Variants in CSMD3 observed in about 807,000 individuals in gnomAD.
CSMD3 encodes CUB and sushi domain-containing protein 3.
Under a neutral mutation model 435.2 loss-of-function variants are expected in CSMD3, and 177 were observed. That is an observed-to-expected ratio of 0.41 (90% CI 0.36 to 0.46). The LOEUF (loss-of-function observed/expected upper bound fraction) is 0.46, where lower values mean the gene tolerates loss of function less well. CSMD3 is among the 20% of genes least tolerant of loss of function. The pLI is 0.34. For synonymous variants in CSMD3, 1,656 were observed against 1,520.5 expected (o/e 1.09, Z -2.07); for missense variants, 4,265 against 4,504.6 (o/e 0.95, Z 1.52).
chr8:112,556,945 A>T lies in CSMD3; in HGVS notation c.4052T>A (p.Leu1351His), dbSNP rs2131226519. ...AATGCCAGGATCTTCACAGTGTGAGAGTTCAAAACCTGGGACAAAAATATA... is the reference window on the plus strand; with the variant it reads ...AATGCCAGGATCTTCACAGTGTGAGTGTTCAAAACCTGGGACAAAAATATA... Reference protein sequence around the residue: ...GFQLVYTSFELSHCEDPGIPQ... With the variant: ...GFQLVYTSFEHSHCEDPGIPQ... The change falls in exon 25 of 71, where the codon CTC becomes CAC. Residue 1351 changes from leucine to histidine, a missense_variant. By Grantham distance (99) the Leu-to-His change is moderately conservative (BLOSUM62 -3). This residue lies in a region of CSMD3 where 3,255 missense variants were observed against 3,380.2 expected (regional missense o/e 0.96). Coordinates refer to ENST00000297405, the MANE Select transcript of CSMD3 (RefSeq NM_198123.2). 1 of 1,610,340 alleles carries T rather than the reference A, an allele frequency of 6.2e-7. No individual in the cohort carries two copies. The highest frequency in any genetic ancestry group is 8.5e-7 in the Non-Finnish European group (1 of 1,177,194).
chr8:112,350,207 A>G (rs1826012601), intron 40 of CSMD3, among the ~76,000 whole-genome samples: 1 of 151,836 alleles, frequency 6.6e-6, no homozygotes, highest in African/African-American at 2.4e-5. Flanking sequence ...TCTGCTATGG[A>G]AACCCAAGCA....
intron 52 of CSMD3, among the ~76,000 whole-genome samples, chr8:112,303,813 C>A (rs186883094): frequency 4.6e-5 from 7 of 152,174 alleles, no homozygotes; most frequent in Admixed American, 4.6e-4. Flanking sequence ...TTGTCTGCTA[C>A]GTTAAACTTC....
intron 2 of CSMD3, among the ~76,000 whole-genome samples, chr8:113,301,169 A>G (rs2093763514): frequency 6.6e-6 from 1 of 152,088 alleles, no homozygotes; most frequent in African/African-American, 2.4e-5. Flanking sequence ...AGTCAGAGCA[A>G]GGAGAGGATG....
chr8:112,618,879 A>G (rs1485400917), intron 22 of CSMD3, among the ~76,000 whole-genome samples: 1 of 152,098 alleles, frequency 6.6e-6, no homozygotes, highest in Non-Finnish European at 1.5e-5. Flanking sequence ...CACTTCAAAT[A>G]ATTTTATGAT....
At chr8:112,333,952 T>C (rs949145583) in intron 45 of CSMD3, among the ~76,000 whole-genome samples, 2 of 152,246 alleles carry the variant, frequency 1.3e-5, no homozygotes, top group African/African-American at 2.4e-5. Context: ...AGTTCCCGAA[T>C]TATGATTTTC....
chr8:113,219,406 A>C (rs911660230), intron 3 of CSMD3, among the ~76,000 whole-genome samples: 2 of 151,424 alleles, frequency 1.3e-5, no homozygotes, highest in Non-Finnish European at 3.0e-5. Context: ...AATGCAAAAA[A>C]AAATACAGGC....
At chr8:112,485,484 A>T (rs1820035688) in intron 31 of CSMD3, among the ~76,000 whole-genome samples, 1 of 152,124 alleles carries the variant, frequency 6.6e-6, no homozygotes, top group African/African-American at 2.4e-5. Flanking sequence ...ATGCATTGAT[A>T]ATGGAATGAG....
chr8:112,632,715 A>G (rs560622580), intron 22 of CSMD3, among the ~76,000 whole-genome samples: 5 of 152,190 alleles, frequency 3.3e-5, no homozygotes, highest in African/African-American at 1.2e-4. Context: ...TGTAATGTAA[A>G]CTTTAGAAAA....
intron 53 of CSMD3, among the ~76,000 whole-genome samples, chr8:112,299,019 C>T (rs916431202): frequency 6.6e-5 from 10 of 151,988 alleles, no homozygotes; most frequent in Non-Finnish European, 1.5e-4. Context: ...CAATAGAATC[C>T]TATTGAGCAA....
At chr8:112,241,249 C>A (rs1018161946) in intron 66 of CSMD3, among the ~76,000 whole-genome samples, 1 of 151,878 alleles carries the variant, frequency 6.6e-6, no homozygotes, top group African/African-American at 2.4e-5. Flanking sequence ...GGTTGTAGGG[C>A]TTTAAAGTTT....
intron 5 of CSMD3, among the ~76,000 whole-genome samples, chr8:113,020,919 C>G (rs1369463196): frequency 6.6e-6 from 1 of 152,170 alleles, no homozygotes; most frequent in East Asian, 1.9e-4. Context: ...ATCTTTATCC[C>G]TGAAAACCCA....
chr8:112,963,728 GA>G (rs2084317548), intron 7 of CSMD3, among the ~76,000 whole-genome samples: 1 of 151,986 alleles, frequency 6.6e-6, no homozygotes, highest in Middle Eastern at 3.4e-3. Flanking sequence ...AAACTGGCAA[GA>G]AAAAATATGG....
At chr8:113,049,705 T>C (rs1332089733) in intron 5 of CSMD3, among the ~76,000 whole-genome samples, 1 of 152,108 alleles carries the variant, frequency 6.6e-6, no homozygotes, top group African/African-American at 2.4e-5. Context: ...ATAAGCAAGA[T>C]CTGATGGTAG....
chr8:113,359,508 T>C (rs766401937), intron 1 of CSMD3, among the ~76,000 whole-genome samples: 1 of 152,170 alleles, frequency 6.6e-6, no homozygotes, highest in Non-Finnish European at 1.5e-5. Flanking sequence ...AATGGATTGG[T>C]TCTCTAGGAC....
chr8:113,013,942 G>T (rs2086356426), intron 6 of CSMD3, among the ~76,000 whole-genome samples: 1 of 152,142 alleles, frequency 6.6e-6, no homozygotes, highest in African/African-American at 2.4e-5. Context: ...GGGCAGAAGT[G>T]AGGTGGAGGC....
At chr8:112,621,731 T>C (rs1188797354) in intron 22 of CSMD3, among the ~76,000 whole-genome samples, 1 of 152,172 alleles carries the variant, frequency 6.6e-6, no homozygotes, top group African/African-American at 2.4e-5. Flanking sequence ...CTCTTTTATA[T>C]CTCCCAGATT....
chr8:113,370,788 T>C (rs2133049314), intron 1 of CSMD3, among the ~76,000 whole-genome samples: 1 of 152,132 alleles, frequency 6.6e-6, no homozygotes, highest in Non-Finnish European at 1.5e-5. Context: ...TGAGCTATTC[T>C]CAGGTCTTCT....
intron 47 of CSMD3, among the ~76,000 whole-genome samples, chr8:112,315,271 T>C (rs572844401): frequency 3.6e-4 from 54 of 151,936 alleles, no homozygotes; most frequent in African/African-American, 1.3e-3. Flanking sequence ...CAACACACTA[T>C]AAAAACACAT....
rs146142550 is a variant in CSMD3, at chr8:112,437,943, G to A, written c.5396-28911C>T. Reference sequence around the variant, plus strand: ...GTCCATTCTATATTACCTAGCACTTGAGGATACAGTTTTATTTAAAGTTTT... The same window carrying A: ...GTCCATTCTATATTACCTAGCACTTAAGGATACAGTTTTATTTAAAGTTTT... On this transcript the variant is annotated intron_variant, in intron 32 of 70. Transcript: ENST00000297405. Among the ~76,000 whole-genome samples, 885 of 152,110 alleles carry A rather than the reference G, an allele frequency of 5.8e-3. 9 individuals carry two copies. The highest frequency in any genetic ancestry group is 0.01 in the Non-Finnish European group (698 of 67,960).
Sources: gnomAD v4.1 joint callset for allele counts (sites outside exome capture counted in the v4.1 genomes callset) on GRCh38, gnomAD v4.1.1 for gene constraint, gnomAD v4.1.1 regional missense constraint, MANE v1.5 for transcripts, NCBI Gene and HGNC (gene_info 2026-07-23, HGNC 2026-07-21) for gene names.